The following CAMTA1 variants were observed in gnomAD, a reference collection of about 807,000 sequenced individuals.
CAMTA1 encodes the protein calmodulin-binding transcription activator 1.
In CAMTA1, 27 loss-of-function variants were observed where a neutral mutation model predicts 170.9. The ratio of observed to expected loss-of-function variants is 0.16; its 90% CI spans 0.12 to 0.22. The LOEUF is 0.22. Among genes scored for constraint, CAMTA1 ranks in the 10% least tolerant of loss-of-function variants. The pLI, the probability that CAMTA1 is intolerant of heterozygous loss-of-function variation, is 1.00. For missense variants in CAMTA1, 1,619 were observed against 2,217.2 expected (o/e 0.73, Z 5.42); for synonymous variants, 833 against 891.5 (o/e 0.93, Z 1.17).
At chr1:6,915,574 TAG>T (rs930097848) in intron 3 of CAMTA1, among the ~76,000 whole-genome samples, 1 of 152,084 alleles carries the variant, frequency 6.6e-6, no homozygotes, top group African/African-American at 2.4e-5. Flanking sequence ...AGCCTGAAGC[TAG>T]AGAGAGTGGA....
chr1:7,655,104 A>ACACACACACC (rs2095879530), intron 7 of CAMTA1, among the ~76,000 whole-genome samples: 1 of 8,056 alleles, frequency 1.2e-4, no homozygotes, highest in African/African-American at 1.3e-3. Context: ...ACACACACCT[A>ACACACACACC]TACACACACC....
chr1:7,649,109 G>A lies in CAMTA1; in HGVS notation c.664+8556G>A, dbSNP rs879918718. Among the ~76,000 whole-genome samples, 6 of 152,258 alleles carry A rather than the reference G, an allele frequency of 3.9e-5. No homozygotes were observed. In the East Asian group the frequency reaches 9.6e-4, roughly 24 times the overall value. The stretch of plus-strand genomic sequence containing the variant: ...TTCCAGGACTGTGTGAGGACTTTCC[G>A]TAGACTCTGGGTTAAGAAATACGAC... On this transcript the variant is annotated intron_variant, in intron 7 of 22. Transcript: ENST00000303635.
At chr1:7,630,815 G>A (rs1226744500) in intron 6 of CAMTA1, among the ~76,000 whole-genome samples, 2 of 152,230 alleles carry the variant, frequency 1.3e-5, no homozygotes, top group African/African-American at 4.8e-5. Context: ...GTGGGGAGGT[G>A]TTCTGTGTGC....
chr1:7,525,985 G>T (rs1310820509), intron 6 of CAMTA1, among the ~76,000 whole-genome samples: 1 of 151,970 alleles, frequency 6.6e-6, no homozygotes, highest in African/African-American at 2.4e-5. Context: ...CTGGCATGGG[G>T]TACAAATTTA....
At chr1:7,367,700 C>T (rs2086081664) in intron 5 of CAMTA1, among the ~76,000 whole-genome samples, 1 of 152,270 alleles carries the variant, frequency 6.6e-6, no homozygotes, top group Non-Finnish European at 1.5e-5. Context: ...ATGCCAATAC[C>T]ACGATAGATG....
At chr1:7,496,853 G>T (rs887681261) in intron 6 of CAMTA1, among the ~76,000 whole-genome samples, 1 of 151,278 alleles carries the variant, frequency 6.6e-6, no homozygotes, top group African/African-American at 2.4e-5. Context: ...ACCTCCCAGG[G>T]CTGCTAGTCA....
At chr1:7,164,072 AG>A (rs1379153822) in intron 4 of CAMTA1, among the ~76,000 whole-genome samples, 3 of 152,250 alleles carry the variant, frequency 2.0e-5, no homozygotes, top group African/African-American at 7.2e-5. Context: ...ATGCCAGGAT[AG>A]CAGTTAGCTG....
chr1:7,226,892 G>T lies in CAMTA1; in HGVS notation c.303-22599G>T, dbSNP rs181374909. The stretch of plus-strand genomic sequence containing the variant: ...CTGTCACCCGGGCTGGAGTGCAGTG[G>T]CACGGTCTCGGCTCACTGCAAGCTC... On this transcript the variant is annotated intron_variant, in intron 4 of 22. Transcript: ENST00000303635. Among the ~76,000 whole-genome samples, 55 of 152,080 alleles carry T rather than the reference G, an allele frequency of 3.6e-4. No homozygotes were observed. In the East Asian group the frequency reaches 9.7e-3, roughly 27 times the overall value.
At chr1:7,557,930 G>A (rs1487783016) in intron 6 of CAMTA1, among the ~76,000 whole-genome samples, 5 of 152,240 alleles carry the variant, frequency 3.3e-5, no homozygotes, top group African/African-American at 4.8e-5. Context: ...GTGGGGGCAA[G>A]TCTGGTCTGT....
rs115774028 is a variant in CAMTA1 at position 7,344,629 on chromosome 1, G to T, written c.438+95003G>T. The stretch of plus-strand genomic sequence containing the variant: ...TCAGACTTCTTAATTGTTGCCAGTT[G>T]AGTGAGGATGAAAGGGTGTCTGACC... On this transcript the variant is annotated intron_variant, in intron 5 of 22. Transcript: ENST00000303635. 7.9e-3 allele frequency among the ~76,000 whole-genome samples: 1,207 copies of T among 152,278 alleles called. 16 individuals are homozygous for T. The highest frequency in any genetic ancestry group is 0.028 in the African/African-American group (1,149 of 41,538).
intron 4 of CAMTA1, among the ~76,000 whole-genome samples, chr1:7,178,021 G>A (rs1651319732): frequency 6.6e-6 from 1 of 150,476 alleles, no homozygotes; most frequent in Non-Finnish European, 1.5e-5. Flanking sequence ...CACTTCCCAA[G>A]CACTGAGGCC....
At chr1:7,074,835 T>C (rs1639091593) in intron 3 of CAMTA1, among the ~76,000 whole-genome samples, 2 of 152,196 alleles carry the variant, frequency 1.3e-5, no homozygotes, top group South Asian at 2.1e-4. Context: ...TAACACACAT[T>C]AAAGCCTTTC....
At chr1:7,119,594 C>T (rs911372310) in intron 4 of CAMTA1, among the ~76,000 whole-genome samples, 3 of 152,140 alleles carry the variant, frequency 2.0e-5, no homozygotes, top group South Asian at 2.1e-4. Flanking sequence ...AGTTACTCTG[C>T]GATCTCTCTT....
chr1:7,518,051 G>A (rs1363607928), intron 6 of CAMTA1, among the ~76,000 whole-genome samples: 1 of 152,018 alleles, frequency 6.6e-6, no homozygotes, highest in African/African-American at 2.4e-5. Flanking sequence ...TGGGGGACAA[G>A]AGGACATATG....
rs1673660916 is a variant in CAMTA1, at chr1:6,887,910, T to C, written c.234+62700T>C. The C allele has an allele frequency of 1.5e-6, 2 of 1,366,668 alleles. No individual in the cohort carries two copies. Among genetic ancestry groups the C allele is most frequent in the South Asian group, 1.5e-5 (1 of 64,858 alleles). 84.7% of individuals were successfully genotyped at this position (1,366,668 alleles called of 1,614,324 possible). On this transcript the variant is annotated intron_variant, in intron 3 of 22. Transcript: ENST00000303635. This position sits in a 1 kb window ranked among gnomAD's most constrained non-coding sequence, Gnocchi z 4.1. ...CCTACTCTTGCCTCATCCGGAGTTATTACGAAGGAGCTCCGCAGCCTGACT... is the reference window on the plus strand; with the variant it reads ...CCTACTCTTGCCTCATCCGGAGTTACTACGAAGGAGCTCCGCAGCCTGACT...
chr1:7,449,278 G>C (rs569412748), intron 5 of CAMTA1, among the ~76,000 whole-genome samples: 2 of 152,328 alleles, frequency 1.3e-5, no homozygotes, highest in Admixed American at 6.5e-5. Context: ...CACCCAACGT[G>C]GTGTGCGTGG....
intron 4 of CAMTA1, among the ~76,000 whole-genome samples, chr1:7,137,912 C>T (rs1406766811): frequency 6.6e-6 from 1 of 152,212 alleles, no homozygotes; most frequent in Non-Finnish European, 1.5e-5. Context: ...TATGTGGATG[C>T]TGGTTCACTG....
intron 6 of CAMTA1, among the ~76,000 whole-genome samples, chr1:7,594,516 G>A (rs749353379): frequency 6.6e-6 from 1 of 152,218 alleles, no homozygotes; most frequent in African/African-American, 2.4e-5. Context: ...TCTGATTGAT[G>A]TGTTTTAAAA....
chr1:7,632,815 G>C (rs1183227021), intron 6 of CAMTA1, among the ~76,000 whole-genome samples: 2 of 152,254 alleles, frequency 1.3e-5, no homozygotes, highest in Non-Finnish European at 2.9e-5. Flanking sequence ...AGAGCTCACT[G>C]CTGCATCCTC....
Sources: allele counts gnomAD v4.1 joint callset (sites outside exome capture counted in the v4.1 genomes callset), GRCh38; gene constraint gnomAD v4.1.1; non-coding constraint Gnocchi (gnomAD v3.1); transcripts MANE v1.5; gene names NCBI Gene and HGNC (gene_info 2026-07-23, HGNC 2026-07-21).